The following NCKAP5 variants were observed in gnomAD, a reference collection of about 807,000 sequenced individuals.
The protein encoded by NCKAP5 is NCK associated protein 5, also known as nck-associated protein 5.
NCKAP5 carries 92 observed loss-of-function variants against 167.0 expected under a neutral mutation model. That is an observed-to-expected ratio of 0.55 (90% CI 0.47 to 0.66). The LOEUF (loss-of-function observed/expected upper bound fraction) is 0.66, where lower values mean the gene tolerates loss of function less well. Among genes scored for constraint, NCKAP5 ranks in the 30% least tolerant of loss-of-function variants. The pLI is 0.00. For missense variants in NCKAP5, 2,378 were observed against 2,315.0 expected, an observed-to-expected ratio of 1.03 and a Z score of -0.56; for synonymous variants, 891 against 877.4, an observed-to-expected ratio of 1.02 and a Z score of -0.27.
chr2:132,688,024 C>A (rs149020498), intron 19 of NCKAP5, among the ~76,000 whole-genome samples: 1 of 152,092 alleles, frequency 6.6e-6, no homozygotes, highest in African/African-American at 2.4e-5. Context: ...CAACTCTGAA[C>A]GACTACAAAA....
intron 5 of NCKAP5, among the ~76,000 whole-genome samples, chr2:133,141,207 C>A (rs1388011920): frequency 6.6e-6 from 1 of 152,088 alleles, no homozygotes. Flanking sequence ...TCCCAACAGC[C>A]CAGGGATTGC....
intron 7 of NCKAP5, among the ~76,000 whole-genome samples, chr2:132,989,714 CT>C (rs890858583): frequency 6.6e-6 from 1 of 152,162 alleles, no homozygotes; most frequent in Non-Finnish European, 1.5e-5. Context: ...ACTGTGCCTA[CT>C]TTCCACCACA....
rs1186782736 is a variant in NCKAP5 at position 132,883,224 on chromosome 2, A to ACACG, written c.580-4309_580-4308insCGTG. Among the ~76,000 whole-genome samples the ACACG allele has an allele frequency of 9.2e-5, 14 of 151,766 alleles. No homozygotes were observed. The East Asian group carries it at 2.1e-3, about 23-fold the overall frequency. The stretch of plus-strand genomic sequence containing the variant: ...CTCAAATACACACACACACACACAC[A>ACACG]CACACACACACACGACACCCACCAT... On this transcript the variant is annotated intron_variant, in intron 8 of 19. Coordinates refer to ENST00000409261, the MANE Select transcript of NCKAP5 (RefSeq NM_207363.3).
chr2:133,213,152 C>T (rs2086280686), intron 5 of NCKAP5, among the ~76,000 whole-genome samples: 1 of 152,136 alleles, frequency 6.6e-6, no homozygotes, highest in Non-Finnish European at 1.5e-5. Flanking sequence ...TCGGCAAAGA[C>T]AGTCTATAAA....
chr2:133,234,026 C>T (rs1199994340), intron 4 of NCKAP5, among the ~76,000 whole-genome samples: 1 of 152,166 alleles, frequency 6.6e-6, no homozygotes, highest in Non-Finnish European at 1.5e-5. Context: ...AGACTAAAAC[C>T]TGGGAGCAAA....
chr2:133,100,930 G>T (rs988118379), intron 6 of NCKAP5, among the ~76,000 whole-genome samples: 2 of 152,078 alleles, frequency 1.3e-5, no homozygotes, highest in South Asian at 2.1e-4. Flanking sequence ...GTCAATTTTG[G>T]CTTTTGTTGC....
chr2:133,001,376 T>C (rs191865810), intron 6 of NCKAP5, among the ~76,000 whole-genome samples: 11 of 152,096 alleles, frequency 7.2e-5, no homozygotes, highest in African/African-American at 2.6e-4. Flanking sequence ...GAGCCCTCAA[T>C]GCCTGGCTAA....
chr2:133,314,636 G>A lies in NCKAP5; in HGVS notation c.70-11526C>T, dbSNP rs72987657. Among the ~76,000 whole-genome samples the A allele has an allele frequency of 3.9e-3, 588 of 152,254 alleles. 9 individuals are homozygous for A. The highest frequency in any genetic ancestry group is 0.013 in the African/African-American group (549 of 41,532). On this transcript the variant is annotated intron_variant, in intron 3 of 19. Transcript: ENST00000409261. ...AATTATTCTGCAAATATTTTCAAGG[G>A]TTAATTATGTTCAGGCACTCTTCAA... is the stretch of plus-strand genomic sequence containing the variant.
At chr2:132,887,622 T>C (rs761137317) in intron 8 of NCKAP5, among the ~76,000 whole-genome samples, 1 of 152,178 alleles carries the variant, frequency 6.6e-6, no homozygotes, top group Non-Finnish European at 1.5e-5. Context: ...CCTTTGGTTT[T>C]GCTGCTCTAG....
At chr2:132,899,768 G>A (rs1371239054) in intron 8 of NCKAP5, among the ~76,000 whole-genome samples, 1 of 152,070 alleles carries the variant, frequency 6.6e-6, no homozygotes, top group Non-Finnish European at 1.5e-5. Flanking sequence ...CCAGCTACTC[G>A]GGAGCCTGAG....
intron 3 of NCKAP5, among the ~76,000 whole-genome samples, chr2:133,473,970 T>C (rs1051712606): frequency 8.5e-5 from 13 of 152,074 alleles, no homozygotes; most frequent in African/African-American, 3.1e-4. Flanking sequence ...TGGGTACATA[T>C]CCAAAGGAAA....
chr2:133,665,710 A>AG, the NCKAP5 span, among the ~76,000 whole-genome samples: 4 of 136,510 alleles, frequency 2.9e-5, no homozygotes, highest in Admixed American at 7.0e-5. Context: ...TTCAACTGGG[A>AG]AAAAACCACA....
intron 4 of NCKAP5, among the ~76,000 whole-genome samples, chr2:133,275,613 G>A (rs899934194): frequency 6.6e-6 from 1 of 152,000 alleles, no homozygotes; most frequent in Non-Finnish European, 1.5e-5. Context: ...TCTGAAAAAT[G>A]ACAGTGAAAA....
chr2:133,527,440 T>TC (rs1685015818), intron 2 of NCKAP5, among the ~76,000 whole-genome samples: 1 of 152,122 alleles, frequency 6.6e-6, no homozygotes. Context: ...AGCTTTTTTT[T>TC]CCACTTTAAG....
chr2:133,359,444 G>A (rs577349802), intron 3 of NCKAP5, among the ~76,000 whole-genome samples: 5 of 152,142 alleles, frequency 3.3e-5, no homozygotes, highest in Non-Finnish European at 7.3e-5. Flanking sequence ...TGTGTGATTT[G>A]TCATGAGGAA....
chr2:132,725,832 CGACACAGTTCACA>C, intron 18 of NCKAP5, 73 bp from the exon 19 acceptor site: 7 of 1,459,418 alleles, frequency 4.8e-6, no homozygotes, highest in South Asian at 1.2e-5. Flanking sequence ...TGTGAGGATG[CGACACAGTTCACA>C]TCTGGCTGTC....
At chr2:133,458,497 C>A (rs181320836) in intron 3 of NCKAP5, among the ~76,000 whole-genome samples, 1 of 151,994 alleles carries the variant, frequency 6.6e-6, no homozygotes, top group African/African-American at 2.4e-5. Flanking sequence ...GCTGTCCAAC[C>A]AAAACGATGA....
chr2:133,472,793 G>A (rs943153807), intron 3 of NCKAP5, among the ~76,000 whole-genome samples: 5 of 151,996 alleles, frequency 3.3e-5, no homozygotes, highest in African/African-American at 1.2e-4. Context: ...AGATCTGCTT[G>A]GTTAGCAACA....
At chr2:132,861,443 T>C (rs1264114541) in intron 10 of NCKAP5, among the ~76,000 whole-genome samples, 1 of 152,214 alleles carries the variant, frequency 6.6e-6, no homozygotes, top group South Asian at 2.1e-4. Flanking sequence ...TTCAAGGTTC[T>C]TCAAAAGCTG....
Sources: gnomAD v4.1 joint callset for allele counts (sites outside exome capture counted in the v4.1 genomes callset) on GRCh38, gnomAD v4.1.1 for gene constraint, MANE v1.5 for transcripts, NCBI Gene and HGNC (gene_info 2026-07-23, HGNC 2026-07-21) for gene names.